SEMA5B: variants seen among roughly 807,000 people sequenced by gnomAD.
The protein encoded by SEMA5B is semaphorin 5B.
In SEMA5B, 66 loss-of-function variants were observed where a neutral mutation model predicts 135.0. That is an observed-to-expected ratio of 0.49 (90% CI 0.40 to 0.60). The LOEUF (loss-of-function observed/expected upper bound fraction) is 0.60, where lower values mean the gene tolerates loss of function less well. Ranked by LOEUF, SEMA5B falls within the 20% of genes least tolerant of loss-of-function variation. The pLI is 0.00. For synonymous variants in SEMA5B, 690 were observed against 639.5 expected, an observed-to-expected ratio of 1.08 and a Z score of -1.19; for missense variants, 1,501 against 1,566.3, an observed-to-expected ratio of 0.96 and a Z score of 0.70.
intron 1 of SEMA5B, among the ~76,000 whole-genome samples, chr3:122,970,561 C>T (rs1010074877): frequency 3.9e-5 from 6 of 152,220 alleles, no homozygotes; most frequent in African/African-American, 1.4e-4. Flanking sequence ...TTAGTATTTG[C>T]AAGCCTCTTT....
chr3:122,957,284 C>T (rs146576441), intron 2 of SEMA5B, among the ~76,000 whole-genome samples: 8 of 152,348 alleles, frequency 5.3e-5, no homozygotes, highest in Non-Finnish European at 1.0e-4. Context: ...CAACTCTAGA[C>T]ATTGGGAAGC....
At chr3:122,989,139 G>A (rs1385700988) in intron 1 of SEMA5B, among the ~76,000 whole-genome samples, 2 of 152,224 alleles carry the variant, frequency 1.3e-5, no homozygotes, top group East Asian at 1.9e-4. Flanking sequence ...TATGTTCGGA[G>A]AGAGTCCACA....
intron 1 of SEMA5B, among the ~76,000 whole-genome samples, chr3:123,009,163 G>GAGCTT: frequency 6.6e-6 from 1 of 152,290 alleles, no homozygotes; most frequent in South Asian, 2.1e-4. Flanking sequence ...AGATGAAAGG[G>GAGCTT]AGCTTTTACT....
At position 122,910,812 on chromosome 3, in the gene SEMA5B, A is replaced by C. The variant is rs748662550; in HGVS notation, c.3297+28T>G. 3.9e-6 allele frequency: 4 copies of C among 1,019,496 alleles called. No individual in the cohort carries two copies. In the African/African-American group the frequency reaches 6.7e-5, roughly 17 times the overall value. 63.2% of individuals were successfully genotyped at this position (1,019,496 alleles called of 1,614,324 possible). On this transcript the variant is annotated intron_variant, in intron 22 of 22. Transcript: ENST00000357599. ...GCGACAGAGTGAGACTCCGTCTCAA[A>C]AAAAAAAAAAAAAAAGAAGGCTCCC...
chr3:122,927,698 T>C (rs548989994), intron 8 of SEMA5B, 92 bp downstream of exon 8: 18 of 951,510 alleles, frequency 1.9e-5, no homozygotes, highest in Admixed American at 1.1e-4. Flanking sequence ...CTTGCAGAGG[T>C]TGGCAGGAAG....
At chr3:122,928,091 C>T in intron 7 of SEMA5B, 88 bp from the exon 8 acceptor site, 1 of 951,330 alleles carries the variant, frequency 1.1e-6, no homozygotes. Flanking sequence ...CCTCCTGTGC[C>T]CCAGTCTCTC....
At chr3:123,027,033 C>G (rs114760123) in intron 1 of SEMA5B, 3,168 of 152,542 alleles carry the variant, frequency 0.021, 131 homozygotes, top group African/African-American at 0.071. Flanking sequence ...CCACGCGCCT[C>G]GCCGCCCGCA....
rs368541552 is a variant in SEMA5B, at chr3:122,929,420, G to A, written c.475-362C>T. Among the ~76,000 whole-genome samples, 11 of 152,338 alleles carry A rather than the reference G, an allele frequency of 7.2e-5. 2 individuals are homozygous for A. Among genetic ancestry groups the A allele is most frequent in the Admixed American group, 6.5e-5 (1 of 15,312 alleles). Reference sequence around the variant, plus strand: ...ACCTTCAATCCCACCCCAGGCCCTGGGTGGGGAATGCGCCTATTCTGTGCC... The same window carrying A: ...ACCTTCAATCCCACCCCAGGCCCTGAGTGGGGAATGCGCCTATTCTGTGCC... On this transcript the variant is annotated intron_variant, in intron 5 of 22. Transcript: ENST00000357599.
At chr3:122,928,069 T>C (rs1553772114) in intron 7 of SEMA5B, 66 bp from the exon 8 acceptor site, 1 of 1,230,348 alleles carries the variant, frequency 8.1e-7, no homozygotes, top group Non-Finnish European at 1.1e-6. Context: ...TCTTTCCATC[T>C]GAGTTTTGTT....
chr3:122,967,801 G>T (rs920727813), intron 1 of SEMA5B, among the ~76,000 whole-genome samples: 2 of 152,260 alleles, frequency 1.3e-5, no homozygotes, highest in African/African-American at 4.8e-5. Flanking sequence ...CCTGGCCTGA[G>T]ATAGGCCCTT....
chr3:122,928,970 G>T (rs753106787), intron 6 of SEMA5B, 26 bp downstream of exon 6: 3 of 1,609,006 alleles, frequency 1.9e-6, no homozygotes, highest in South Asian at 1.1e-5. Flanking sequence ...TCCAGGTGGG[G>T]CCCCTGGACC....
intron 1 of SEMA5B, among the ~76,000 whole-genome samples, chr3:122,988,004 C>A (rs1427301645): frequency 6.6e-6 from 1 of 152,016 alleles, no homozygotes; most frequent in African/African-American, 2.4e-5. Context: ...GGAAGGGGGG[C>A]CTCAGAGATG....
At chr3:122,984,658 G>A (rs1008696675) in intron 1 of SEMA5B, among the ~76,000 whole-genome samples, 2 of 152,050 alleles carry the variant, frequency 1.3e-5, no homozygotes, top group Admixed American at 6.5e-5. Flanking sequence ...TACGCTAGAA[G>A]CCCAATCCCC....
rs776150309 is a variant in SEMA5B, at chr3:122,915,808, T to A, written c.1771A>T (p.Met591Leu). 1 of 1,614,106 alleles carries A rather than the reference T, an allele frequency of 6.2e-7. No individual in the cohort carries two copies. Among genetic ancestry groups the A allele is most frequent in the Non-Finnish European group, 8.5e-7 (1 of 1,180,014 alleles). The stretch of plus-strand genomic sequence containing the variant: ...GTGATGTTCTGGGTCCAGAGGCTCA[T>A]GTTGGAGCTGTCCTCGAGTGTGCTG... ...RCSTLEDSSN[M>L]SLWTQNITAC... is the part of the protein sequence containing the mutation. Residue 591 changes from methionine (M) to leucine (L), a missense_variant, in exon 13 of 23, where the codon ATG (methionine) becomes TTG (leucine). Physicochemically the swap from Met to Leu is conservative, Grantham distance 15. Around this residue, in one of 2 missense-constraint regions of SEMA5B, gnomAD observed 927 missense variants for 881.6 expected, o/e 1.05. Coordinates refer to ENST00000357599, the MANE Select transcript of SEMA5B (RefSeq NM_001031702.4).
intron 12 of SEMA5B, among the ~76,000 whole-genome samples, chr3:122,921,046 G>T (rs577768469): frequency 1.3e-5 from 2 of 152,058 alleles, no homozygotes; most frequent in Non-Finnish European, 2.9e-5. Flanking sequence ...GGCCCCACAG[G>T]CCTCTGCCCA....
rs1576330794 is a variant in SEMA5B at position 122,915,898 on chromosome 3, A to G, written c.1689-8T>C. ...CGGGCCCCCAGGCATGCCCTGCCAG[A>G]CAGACGTCCTGAGATTCAAGCCCAC... On this transcript the variant is annotated splice_region_variant and splice_polypyrimidine_tract_variant and intron_variant, in intron 12 of 22. Transcript: ENST00000357599. The G allele has an allele frequency of 1.2e-6, 2 of 1,612,496 alleles. No homozygotes were observed. Among genetic ancestry groups the G allele is most frequent in the South Asian group, 1.1e-5 (1 of 91,040 alleles).
chr3:122,912,064 A>T lies in SEMA5B; in HGVS notation c.2902T>A (p.Trp968Arg), dbSNP rs764772770. ...TTACTCCACTCAGACCAGGGCGACC[A>T]GCCTTCTGGGGATTGTGGGTAGGAT... ...LCATQACPEG[W>R]SPWSEWSKCT... The change falls in exon 20 of 23, where the codon TGG (tryptophan) becomes AGG (arginine). Residue 968 changes from tryptophan to arginine, a missense_variant. By Grantham distance (101) the Trp-to-Arg change is moderately radical. Transcript: ENST00000357599. The T allele has an allele frequency of 6.2e-7, 1 of 1,610,390 alleles. No homozygotes were observed. The highest frequency in any genetic ancestry group is 8.5e-7 in the Non-Finnish European group (1 of 1,177,160).
chr3:123,016,243 A>G (rs76826673), intron 1 of SEMA5B, among the ~76,000 whole-genome samples: 174 of 152,272 alleles, frequency 1.1e-3, no homozygotes, highest in African/African-American at 4.1e-3. Flanking sequence ...CTCAGGGAAA[A>G]CTCACTGGGA....
At chr3:122,930,905 G>T (rs1938935231) in intron 5 of SEMA5B, among the ~76,000 whole-genome samples, 1 of 152,106 alleles carries the variant, frequency 6.6e-6, no homozygotes, top group African/African-American at 2.4e-5. Flanking sequence ...CCAGAACTAA[G>T]CTCTTTCTGC....
Sources: gnomAD v4.1 joint callset for allele counts (sites outside exome capture counted in the v4.1 genomes callset) on GRCh38, gnomAD v4.1.1 for gene constraint, gnomAD v4.1.1 regional missense constraint, MANE v1.5 for transcripts, NCBI Gene and HGNC (gene_info 2026-07-23, HGNC 2026-07-21) for gene names.